Variants in TENM2 observed in about 807,000 individuals in gnomAD.
The protein encoded by TENM2 is teneurin transmembrane protein 2, also known as teneurin-2.
A neutral mutation model predicts 245.2 loss-of-function variants in TENM2; 52 were observed. That is an observed-to-expected ratio of 0.21 (90% CI 0.17 to 0.27). The LOEUF (loss-of-function observed/expected upper bound fraction) is 0.27. Among genes scored for constraint, TENM2 ranks in the 10% least tolerant of loss-of-function variants. TENM2 has a pLI of 1.00. For missense variants in TENM2, 3,046 were observed against 3,666.8 expected, an observed-to-expected ratio of 0.83 and a Z score of 4.37; for synonymous variants, 1,363 against 1,438.9, an observed-to-expected ratio of 0.95 and a Z score of 1.19.
rs538571347 is a variant in TENM2 at position 168,236,762 on chromosome 5, C to T, written c.5521-7658C>T. On this transcript the variant is annotated intron_variant, in intron 25 of 28. Transcript: ENST00000518659. The stretch of plus-strand genomic sequence containing the variant: ...CAGTAACAAACACAGAGTAGGTGCC[C>T]AGTAAATATTGAATGAAAGAATGAA... Among the ~76,000 whole-genome samples the T allele has an allele frequency of 6.6e-5, 10 of 150,706 alleles. No individual in the cohort carries two copies. The South Asian group carries it at 1.9e-3, about 29-fold the overall frequency.
intron 7 of TENM2, among the ~76,000 whole-genome samples, chr5:168,066,755 G>A (rs1309531238): frequency 2.0e-5 from 3 of 152,174 alleles, no homozygotes; most frequent in African/African-American, 7.2e-5. Context: ...TATGGGGATG[G>A]TATGTGTACA....
In TENM2 at chr5:167,668,900, G is replaced by A. The variant is rs1755750845; in HGVS notation, c.503-207086G>A. Among the ~76,000 whole-genome samples the A allele has an allele frequency of 2.6e-5, 4 of 152,030 alleles. No homozygotes were observed. In the South Asian group the frequency reaches 8.3e-4, roughly 32 times the overall value. The stretch of plus-strand genomic sequence containing the variant: ...ACCCAGGAGGCAGAGGTTGCAGTGA[G>A]CCGAGATCCCCCACTGAACTTCAGC... On this transcript the variant is annotated intron_variant, in intron 2 of 28. Coordinates refer to ENST00000518659, the Ensembl canonical transcript of TENM2.
chr5:167,937,195 C>G (rs984407329), intron 3 of TENM2, among the ~76,000 whole-genome samples: 1 of 152,196 alleles, frequency 6.6e-6, no homozygotes. Context: ...TAACTCTAGT[C>G]ATTCCTGCTT....
chr5:167,149,084 T>C, the TENM2 span, among the ~76,000 whole-genome samples: 4 of 152,206 alleles, frequency 2.6e-5, no homozygotes, highest in African/African-American at 9.6e-5. Flanking sequence ...TAGTTACATA[T>C]GTATACATGT....
chr5:167,815,995 TG>T (rs1467974920), intron 2 of TENM2, among the ~76,000 whole-genome samples: 32 of 151,886 alleles, frequency 2.1e-4, no homozygotes, highest in African/African-American at 7.7e-4. Context: ...TGTGTGTGTG[TG>T]TGTGTGTGTG....
intron 1 of TENM2, among the ~76,000 whole-genome samples, chr5:167,298,154 C>T (rs1034652958): frequency 6.6e-5 from 10 of 152,050 alleles, no homozygotes; most frequent in African/African-American, 2.4e-4. Flanking sequence ...TCAGGGCTGC[C>T]TCGAGCGGGA....
At position 168,247,486 on chromosome 5, in the gene TENM2, G is replaced by C; in HGVS notation, c.6547G>C (p.Gly2183Arg). ...GATGACGGTGCAATATGACAGCATG[G>C]GCAGGGTGATCAAGAGGGAGCTAAA... Residue 2183 changes from glycine (G) to arginine (R), a missense_variant, in exon 27 of 29, where the codon GGC becomes CGC. This residue lies in a region of TENM2 where 2,704 missense variants were observed against 3,331.9 expected (regional missense o/e 0.81). Transcript: ENST00000518659. The surrounding 1 kb of genome is among the most constrained non-coding windows in gnomAD (Gnocchi z 7.8). The C allele has an allele frequency of 6.2e-7, 1 of 1,612,604 alleles. No individual in the cohort carries two copies. The highest frequency in any genetic ancestry group is 1.3e-5 in the African/African-American group (1 of 75,012).
At chr5:168,234,764 C>T (rs1403045744) in intron 25 of TENM2, among the ~76,000 whole-genome samples, 1 of 152,156 alleles carries the variant, frequency 6.6e-6, no homozygotes, top group Non-Finnish European at 1.5e-5. Context: ...TAACCACGCT[C>T]TAGGATATTT....
chr5:167,124,653 A>G, the TENM2 span, among the ~76,000 whole-genome samples: 1 of 152,112 alleles, frequency 6.6e-6, no homozygotes, highest in Non-Finnish European at 1.5e-5. Flanking sequence ...GCTAGATGCT[A>G]TGAGGGTTAT....
At chr5:167,062,548 T>C in the TENM2 span, among the ~76,000 whole-genome samples, 4 of 152,122 alleles carry the variant, frequency 2.6e-5, no homozygotes, top group African/African-American at 7.2e-5. Context: ...CAAGGAATTA[T>C]AAGTATTGTA....
At chr5:167,793,052 T>A (rs895659788) in intron 2 of TENM2, among the ~76,000 whole-genome samples, 1 of 152,206 alleles carries the variant, frequency 6.6e-6, no homozygotes, top group Admixed American at 6.6e-5. Context: ...TCCAACTGGC[T>A]TTTAGAAATA....
At chr5:168,030,551 A>T (rs558526541) in intron 5 of TENM2, among the ~76,000 whole-genome samples, 1 of 152,206 alleles carries the variant, frequency 6.6e-6, no homozygotes, top group African/African-American at 2.4e-5. Flanking sequence ...TTCTCAGGGG[A>T]TGCTGATTCT....
chr5:167,328,303 T>C (rs1445898484), intron 1 of TENM2, among the ~76,000 whole-genome samples: 1 of 144,916 alleles, frequency 6.9e-6, no homozygotes, highest in African/African-American at 2.6e-5. Flanking sequence ...GTCTCCTGGG[T>C]TTAAGTGATC....
At chr5:168,209,363 G>A (rs1349256009) in intron 19 of TENM2, among the ~76,000 whole-genome samples, 1 of 152,154 alleles carries the variant, frequency 6.6e-6, no homozygotes, top group Non-Finnish European at 1.5e-5. Context: ...TCTACATGGG[G>A]ACTTTTACTC....
rs1238100915 is a variant in TENM2 at position 168,249,480 on chromosome 5, G to GTGTGTT, written c.7432+1111_7432+1112insTGTTTG. ...TGTGTGTGTGTGTGTGTGTGTGTGTGTGCAGATTAATTCAGATTTTCAAGA... is the reference window on the plus strand; with the variant it reads ...TGTGTGTGTGTGTGTGTGTGTGTGTGTGTGTTTGCAGATTAATTCAGATTTTCAAGA... On this transcript the variant is annotated intron_variant, in intron 27 of 28. Transcript: ENST00000518659. Among the ~76,000 whole-genome samples, 3 of 144,074 alleles carry GTGTGTT rather than the reference G, an allele frequency of 2.1e-5. No homozygotes were observed. In the Admixed American group the frequency reaches 2.1e-4, roughly 10 times the overall value. 94.5% of individuals were successfully genotyped at this position (144,074 alleles called of 152,430 possible). A position where few individuals can be genotyped will look rare whatever the true frequency, so the allele number is the denominator to read the frequency against.
intron 2 of TENM2, among the ~76,000 whole-genome samples, chr5:167,397,243 A>C (rs1762106173): frequency 6.6e-6 from 1 of 152,108 alleles, no homozygotes; most frequent in Admixed American, 6.6e-5. Context: ...GAATGCAGGA[A>C]AATGAAGAAA....
rs148235257 is a variant in TENM2 at position 167,639,503 on chromosome 5, C to A, written c.503-236483C>A. Among the ~76,000 whole-genome samples, 1,186 of 152,274 alleles carry A rather than the reference C, an allele frequency of 7.8e-3. 7 individuals are homozygous for A. The highest frequency in any genetic ancestry group is 0.012 in the Non-Finnish European group (843 of 68,012). On this transcript the variant is annotated intron_variant, in intron 2 of 28. Transcript: ENST00000518659. Reference sequence around the variant, plus strand: ...TACACAATTGGCTTCAGAATACTGACCTTCTTCCTGCTTCACAAAAAGGCC... The same window carrying A: ...TACACAATTGGCTTCAGAATACTGAACTTCTTCCTGCTTCACAAAAAGGCC...
the TENM2 span, among the ~76,000 whole-genome samples, chr5:167,170,533 C>T: frequency 6.6e-6 from 1 of 152,080 alleles, no homozygotes; most frequent in Non-Finnish European, 1.5e-5. Flanking sequence ...TGGCATGTCA[C>T]GTATCATGTA....
rs117477288 is a variant in TENM2, at chr5:167,337,777, G to C, written c.227-37421G>C. Among the ~76,000 whole-genome samples, 1,155 of 152,296 alleles carry C rather than the reference G, an allele frequency of 7.6e-3. 76 individuals carry two copies. In the East Asian group the frequency reaches 0.17, roughly 22 times the overall value. On this transcript the variant is annotated intron_variant, in intron 1 of 28. Transcript: ENST00000518659. ...TGATGTCAAGGAGTGGTATGACAAA[G>C]GAGGCTAAGTGCTGGCCTTGGAAAT...
Sources: gnomAD v4.1 joint callset for allele counts (sites outside exome capture counted in the v4.1 genomes callset) on GRCh38, gnomAD v4.1.1 for gene constraint, gnomAD v4.1.1 regional missense constraint, Gnocchi (gnomAD v3.1) non-coding constraint, MANE v1.5 for transcripts, NCBI Gene and HGNC (gene_info 2026-07-23, HGNC 2026-07-21) for gene names.